Variants in MKLN1 observed in about 807,000 individuals in gnomAD.
MKLN1 encodes the protein muskelin.
MKLN1 carries 18 observed loss-of-function variants against 99.0 expected under a neutral mutation model. That is an observed-to-expected ratio of 0.18 (90% CI 0.13 to 0.27). MKLN1 has a LOEUF of 0.27. Among genes scored for constraint, MKLN1 ranks in the 10% least tolerant of loss-of-function variants. The pLI is 1.00. For synonymous variants in MKLN1, 288 were observed against 293.2 expected (o/e 0.98, Z 0.18); for missense variants, 621 against 875.9 (o/e 0.71, Z 3.67).
At chr7:131,479,768 A>G (rs999290216) in intron 17 of MKLN1, among the ~76,000 whole-genome samples, 1 of 151,994 alleles carries the variant, frequency 6.6e-6, no homozygotes, top group Non-Finnish European at 1.5e-5. Context: ...CAGAGCTCGC[A>G]GTGAGCCGAG....
intron 9 of MKLN1, among the ~76,000 whole-genome samples, chr7:131,436,385 A>G (rs1668235420): frequency 6.6e-6 from 1 of 152,164 alleles, no homozygotes; most frequent in African/African-American, 2.4e-5. Flanking sequence ...TGTCCACTTT[A>G]TACATCAATT....
intron 9 of MKLN1, among the ~76,000 whole-genome samples, chr7:131,433,890 T>C (rs1425591800): frequency 6.6e-6 from 1 of 151,756 alleles, no homozygotes; most frequent in East Asian, 1.9e-4. Flanking sequence ...GAATTTTTTT[T>C]TTTTTTTTTT....
intron 12 of MKLN1, among the ~76,000 whole-genome samples, chr7:131,452,122 A>G (rs1796196252): frequency 6.6e-6 from 1 of 152,192 alleles, no homozygotes; most frequent in Non-Finnish European, 1.5e-5. Flanking sequence ...TAACCATTAT[A>G]GCAGATTGGT....
intron 9 of MKLN1, among the ~76,000 whole-genome samples, chr7:131,436,995 C>A (rs1382737787): frequency 6.6e-6 from 1 of 152,114 alleles, no homozygotes; most frequent in Non-Finnish European, 1.5e-5. Context: ...TTAAAGGTAT[C>A]ATCCTGGTCT....
At chr7:131,354,633 A>G (rs1186807039) in intron 1 of MKLN1, among the ~76,000 whole-genome samples, 2 of 151,918 alleles carry the variant, frequency 1.3e-5, no homozygotes, top group African/African-American at 4.8e-5. Flanking sequence ...GAATGTGTCA[A>G]GTTTTATTTT....
rs1320060361 is a variant in MKLN1, at chr7:131,239,145, C to CCATTTATTT, written c.-179+36172_-179+36180dup. Among the ~76,000 whole-genome samples the CCATTTATTT allele has an allele frequency of 2.6e-5, 4 of 152,076 alleles. No individual in the cohort carries two copies. In the East Asian group the frequency reaches 7.7e-4, roughly 29 times the overall value. On this transcript the variant is annotated intron_variant, in intron 3 of 7. Transcript: ENST00000416992. ...GTGCTGGGGAGGGTGGCAGGGTACT[C>CCATTTATTT]CATTTATTTATTTTTAAAACTTTTT...
intron 3 of MKLN1, among the ~76,000 whole-genome samples, chr7:131,207,911 C>A (rs1319712550): frequency 1.3e-5 from 2 of 152,080 alleles, no homozygotes; most frequent in Non-Finnish European, 2.9e-5. Flanking sequence ...TATGAAAAAC[C>A]TAAGAAAAAG....
At chr7:131,463,509 G>T in intron 13 of MKLN1, 145 bp downstream of exon 13, 3 of 796,970 alleles carry the variant, frequency 3.8e-6, no homozygotes, top group Non-Finnish European at 6.1e-6. Context: ...AATCAATATC[G>T]GTACCTATGT....
rs532679393 is a variant in MKLN1 at position 131,223,036 on chromosome 7, G to GA, written c.-179+20071dup. 9.2e-3 allele frequency among the ~76,000 whole-genome samples: 1,389 copies of GA among 151,138 alleles called. 13 individuals are homozygous for GA. Among genetic ancestry groups the GA allele is most frequent in the Non-Finnish European group, 0.013 (908 of 67,692 alleles). ...GGTGACAGAGCAAGACTCTGTCTCA[G>GA]AAAAAAAAATAAATAAATACAGTTT... On this transcript the variant is annotated intron_variant, in intron 3 of 7. Coordinates refer to the MKLN1 transcript ENST00000416992.
intron 14 of MKLN1, among the ~76,000 whole-genome samples, chr7:131,466,063 CT>C (rs1466934031): frequency 6.6e-6 from 1 of 152,096 alleles, no homozygotes; most frequent in Admixed American, 6.6e-5. Flanking sequence ...ATATAACTCA[CT>C]TTGGCATATG....
At chr7:131,177,400 C>T (rs1340028835) in intron 2 of MKLN1, among the ~76,000 whole-genome samples, 5 of 144,570 alleles carry the variant, frequency 3.5e-5, no homozygotes, top group Non-Finnish European at 6.0e-5. Flanking sequence ...CCTGGGATTG[C>T]GGAGGTTGCA....
intron 2 of MKLN1, among the ~76,000 whole-genome samples, chr7:131,164,456 T>C (rs1584802024): frequency 1.3e-5 from 2 of 152,294 alleles, no homozygotes; most frequent in East Asian, 3.9e-4. Context: ...TACAACTTTA[T>C]AGCTTACCAA....
At chr7:131,253,472 C>A (rs1053338426) in intron 3 of MKLN1, among the ~76,000 whole-genome samples, 5 of 152,144 alleles carry the variant, frequency 3.3e-5, no homozygotes, top group African/African-American at 1.2e-4. Flanking sequence ...CAGAAGCTCT[C>A]CCCCAGATAC....
chr7:131,153,828 A>T (rs1412795754), intron 2 of MKLN1, among the ~76,000 whole-genome samples: 1 of 151,928 alleles, frequency 6.6e-6, no homozygotes, highest in Non-Finnish European at 1.5e-5. Flanking sequence ...ATGCTTAGCT[A>T]ATTTTTGTAT....
chr7:131,392,602 C>CTT (rs772614936), intron 4 of MKLN1, among the ~76,000 whole-genome samples: 21 of 134,528 alleles, frequency 1.6e-4, no homozygotes, highest in African/African-American at 5.2e-4. Flanking sequence ...CTCAGAACCT[C>CTT]TTTTTTTTTT....
At chr7:131,264,126 C>G (rs1797773961) in intron 3 of MKLN1, among the ~76,000 whole-genome samples, 1 of 152,092 alleles carries the variant, frequency 6.6e-6, no homozygotes, top group South Asian at 2.1e-4. Context: ...AGAAGGTACT[C>G]TGAAATTGGT....
At chr7:131,174,986 G>C (rs1796272525) in intron 2 of MKLN1, among the ~76,000 whole-genome samples, 1 of 151,654 alleles carries the variant, frequency 6.6e-6, no homozygotes. Flanking sequence ...TAGATAGATA[G>C]ATAGATAGAT....
At chr7:131,450,558 C>T (rs570227059) in intron 12 of MKLN1, among the ~76,000 whole-genome samples, 1 of 152,140 alleles carries the variant, frequency 6.6e-6, no homozygotes, top group Non-Finnish European at 1.5e-5. Context: ...TTTTAGTTCT[C>T]CAGTCCTAGT....
intron 2 of MKLN1, among the ~76,000 whole-genome samples, chr7:131,195,047 A>G (rs1796621065): frequency 6.6e-6 from 1 of 152,218 alleles, no homozygotes; most frequent in Non-Finnish European, 1.5e-5. Flanking sequence ...GTTTTGCAGT[A>G]TCATACTTCT....
Sources: gnomAD v4.1 joint callset for allele counts (sites outside exome capture counted in the v4.1 genomes callset) on GRCh38, gnomAD v4.1.1 for gene constraint, MANE v1.5 for transcripts, NCBI Gene and HGNC (gene_info 2026-07-23, HGNC 2026-07-21) for gene names.